Variants in TTC6 observed in about 807,000 individuals in gnomAD.
TTC6 encodes the protein tetratricopeptide repeat protein 6.
Under a neutral mutation model 210.4 loss-of-function variants are expected in TTC6, and 172 were observed. The observed-to-expected ratio is 0.82, with a 90% CI of 0.72 to 0.93. TTC6 has a LOEUF of 0.93. TTC6 is among the 40% of genes least tolerant of loss of function. The pLI is 0.00. For missense variants in TTC6, 2,414 were observed against 2,318.1 expected (o/e 1.04, Z -0.85); for synonymous variants, 804 against 819.6 (o/e 0.98, Z 0.32).
At chr14:37,747,699 C>A (rs2139009896) in intron 10 of TTC6, among the ~76,000 whole-genome samples, 1 of 152,228 alleles carries the variant, frequency 6.6e-6, no homozygotes, top group Admixed American at 6.5e-5. Flanking sequence ...ATAGTCTGTG[C>A]AGATCAGTTT....
chr14:37,691,802 T>G (rs1206685963), intron 3 of TTC6, among the ~76,000 whole-genome samples: 1 of 151,972 alleles, frequency 6.6e-6, no homozygotes, highest in Admixed American at 6.6e-5. Context: ...TTAGCCAGAC[T>G]AAGAAAAGAA....
intron 14 of TTC6, among the ~76,000 whole-genome samples, chr14:37,764,027 C>G (rs1414102303): frequency 6.6e-6 from 1 of 151,820 alleles, no homozygotes; most frequent in Non-Finnish European, 1.5e-5. Flanking sequence ...TTTTTAATTT[C>G]CTTTGTAATT....
At chr14:37,837,951 T>A (rs1234674217) in intron 29 of TTC6, among the ~76,000 whole-genome samples, 1 of 152,140 alleles carries the variant, frequency 6.6e-6, no homozygotes, top group African/African-American at 2.4e-5. Flanking sequence ...GCCACAGAAA[T>A]GTCATGGAAG....
At chr14:37,760,318 A>G (rs1369925537) in intron 14 of TTC6, among the ~76,000 whole-genome samples, 1 of 152,188 alleles carries the variant, frequency 6.6e-6, no homozygotes. Context: ...TTGCCTGGGT[A>G]TCACCAGTGG....
chr14:37,821,328 C>G (rs2096156623), intron 26 of TTC6, among the ~76,000 whole-genome samples: 1 of 152,096 alleles, frequency 6.6e-6, no homozygotes, highest in South Asian at 2.1e-4. Flanking sequence ...CCTGGCCTCC[C>G]AAAGTGCTGG....
intron 14 of TTC6, among the ~76,000 whole-genome samples, chr14:37,784,322 A>G (rs2096062541): frequency 1.3e-5 from 2 of 152,162 alleles, no homozygotes; most frequent in Non-Finnish European, 2.9e-5. Context: ...GGGTACATAT[A>G]TATTTAGGAT....
At chr14:37,650,934 A>G (rs1303147330) in intron 1 of TTC6, among the ~76,000 whole-genome samples, 1 of 152,178 alleles carries the variant, frequency 6.6e-6, no homozygotes, top group African/African-American at 2.4e-5. Context: ...AGTTTAAACA[A>G]AACTCCAAAC....
chr14:37,786,151 G>A (rs1188209583), intron 14 of TTC6, among the ~76,000 whole-genome samples: 1 of 152,172 alleles, frequency 6.6e-6, no homozygotes, highest in Non-Finnish European at 1.5e-5. Context: ...TCTCTTCAAA[G>A]CTGTCAGACA....
At chr14:37,776,313 A>G (rs1357944373) in intron 14 of TTC6, among the ~76,000 whole-genome samples, 1 of 152,122 alleles carries the variant, frequency 6.6e-6, no homozygotes, top group African/African-American at 2.4e-5. Context: ...GCCTGTTTAC[A>G]TTCAAGGTTA....
chr14:37,797,958 A>C (rs1008396873), intron 20 of TTC6, among the ~76,000 whole-genome samples: 2 of 152,128 alleles, frequency 1.3e-5, no homozygotes, highest in Non-Finnish European at 2.9e-5. Flanking sequence ...AAGTTTTCAC[A>C]TATGTGTGGA....
chr14:37,716,005 T>C (rs1033737188), intron 6 of TTC6, among the ~76,000 whole-genome samples: 5 of 142,244 alleles, frequency 3.5e-5, no homozygotes, highest in African/African-American at 1.3e-4. Context: ...AAATTTATCA[T>C]GCTGATGTGG....
chr14:37,768,151 T>C (rs953099569), intron 14 of TTC6, among the ~76,000 whole-genome samples: 5 of 150,380 alleles, frequency 3.3e-5, no homozygotes, highest in Admixed American at 2.0e-4. Context: ...TTCTGTTCCA[T>C]TGATCTATAT....
intron 1 of TTC6, among the ~76,000 whole-genome samples, chr14:37,645,734 G>A (rs2139400871): frequency 6.6e-6 from 1 of 152,276 alleles, no homozygotes; most frequent in East Asian, 1.9e-4. Context: ...AAACAACAAG[G>A]TGGGGATCTT....
At chr14:37,816,735 A>T (rs78936011) in intron 25 of TTC6, among the ~76,000 whole-genome samples, 5,833 of 152,204 alleles carry the variant, frequency 0.038, 188 homozygotes, top group African/African-American at 0.089. Flanking sequence ...ACATGATATA[A>T]TATTTTGTTT....
At chr14:37,806,116 A>C (rs926973121) in intron 21 of TTC6, among the ~76,000 whole-genome samples, 3 of 152,190 alleles carry the variant, frequency 2.0e-5, no homozygotes, top group African/African-American at 7.2e-5. Context: ...ACCACCTGAA[A>C]TATTGTAATC....
In TTC6 at chr14:37,664,346, G is replaced by A. The variant is rs139518189; in HGVS notation, c.940-15805G>A. Among the ~76,000 whole-genome samples, 209 of 150,480 alleles carry A rather than the reference G, an allele frequency of 1.4e-3. 3 individuals are homozygous for A. The highest frequency in any genetic ancestry group is 4.8e-3 in the African/African-American group (198 of 41,406). On this transcript the variant is annotated intron_variant, in intron 1 of 30. Coordinates refer to ENST00000553443, the Ensembl canonical transcript of TTC6. Reference sequence around the variant, plus strand: ...AGAATAGAGAGCTCAGAAATGAGACGTCGCACCTACAACCATCAGATCTTT... The same window carrying A: ...AGAATAGAGAGCTCAGAAATGAGACATCGCACCTACAACCATCAGATCTTT...
intron 29 of TTC6, among the ~76,000 whole-genome samples, chr14:37,832,522 A>G (rs549709646): frequency 2.3e-4 from 35 of 151,434 alleles, no homozygotes; most frequent in South Asian, 1.5e-3. Flanking sequence ...TTCCATTTTC[A>G]TTTGTTTCAA....
At chr14:37,842,494 C>A, downstream of TTC6, 1 of 402,942 alleles carries the variant, frequency 2.5e-6, no homozygotes, top group Non-Finnish European at 4.0e-6. Context: ...TTTGGAATAC[C>A]TTGAGAACTG....
exon 31 of TTC6, chr14:37,842,343 C>A: frequency 7.1e-7 from 1 of 1,408,810 alleles, no homozygotes; most frequent in Non-Finnish European, 9.3e-7. Context: ...CTCTCTGAAA[C>A]GGAAACATAT....
Sources: gnomAD v4.1 joint callset for allele counts (sites outside exome capture counted in the v4.1 genomes callset) on GRCh38, gnomAD v4.1.1 for gene constraint, MANE v1.5 for transcripts, NCBI Gene and HGNC (gene_info 2026-07-23, HGNC 2026-07-21) for gene names.